Variants in PALLD observed in about 807,000 individuals in gnomAD.
The protein encoded by PALLD is palladin.
Under a neutral mutation model 123.5 loss-of-function variants are expected in PALLD, and 61 were observed. The ratio of observed to expected loss-of-function variants is 0.49; its 90% CI spans 0.40 to 0.61. PALLD has a LOEUF of 0.61. Ranked by LOEUF, PALLD falls within the 20% of genes least tolerant of loss-of-function variation. PALLD has a pLI of 0.00. For missense variants in PALLD, 1,273 were observed against 1,377.0 expected (o/e 0.92, Z 1.20); for synonymous variants, 465 against 496.4 (o/e 0.94, Z 0.84).
chr4:168,748,673 G>A (rs1452648688), intron 10 of PALLD, among the ~76,000 whole-genome samples: 1 of 151,924 alleles, frequency 6.6e-6, no homozygotes, highest in Non-Finnish European at 1.5e-5. Context: ...AGGCTCAACT[G>A]GGGAAGAATG....
At chr4:168,617,706 G>A (rs756048602) in intron 2 of PALLD, among the ~76,000 whole-genome samples, 14 of 152,106 alleles carry the variant, frequency 9.2e-5, no homozygotes, top group Admixed American at 2.0e-4. Flanking sequence ...ATTATAAAAC[G>A]AGGAGACTTA....
At chr4:168,726,631 C>A (rs1021020266) in intron 10 of PALLD, among the ~76,000 whole-genome samples, 5 of 152,158 alleles carry the variant, frequency 3.3e-5, no homozygotes, top group South Asian at 4.1e-4. Flanking sequence ...GATCCTCTAG[C>A]CTTAGCCTTC....
intron 8 of PALLD, among the ~76,000 whole-genome samples, chr4:168,696,652 A>G (rs1291428711): frequency 6.6e-6 from 1 of 152,066 alleles, no homozygotes; most frequent in Non-Finnish European, 1.5e-5. Flanking sequence ...GATCCAAGGA[A>G]ATCATTCCAC....
chr4:168,681,285 A>G (rs753526727), intron 3 of PALLD, 47 bp from the exon 4 acceptor site: 7 of 1,080,300 alleles, frequency 6.5e-6, no homozygotes, highest in South Asian at 1.2e-5. Flanking sequence ...ATTATTATAG[A>G]TAACACTGAT....
At chr4:168,655,536 C>G (rs1778473554) in intron 2 of PALLD, among the ~76,000 whole-genome samples, 1 of 152,202 alleles carries the variant, frequency 6.6e-6, no homozygotes, top group South Asian at 2.1e-4. Context: ...TTGCCCTGAG[C>G]AATTGAACTT....
chr4:168,502,972 G>A (rs1761580691), intron 1 of PALLD, among the ~76,000 whole-genome samples: 2 of 152,168 alleles, frequency 1.3e-5, no homozygotes, highest in African/African-American at 2.4e-5. Context: ...GTTCTGGGAG[G>A]CTGAAAGCAA....
chr4:168,734,184 T>C (rs376977734), intron 10 of PALLD, among the ~76,000 whole-genome samples: 1 of 152,298 alleles, frequency 6.6e-6, no homozygotes, highest in East Asian at 1.9e-4. Context: ...ATTAGTAACA[T>C]CAGTGTTAAC....
intron 2 of PALLD, among the ~76,000 whole-genome samples, chr4:168,660,883 GTTTC>G (rs1163803784): frequency 2.0e-5 from 3 of 151,274 alleles, no homozygotes; most frequent in Admixed American, 6.6e-5. Context: ...AGCAGTACAA[GTTTC>G]TTTCTTCTTC....
At chr4:168,863,558 C>CT (rs1447206127) in intron 10 of PALLD, among the ~76,000 whole-genome samples, 1 of 152,094 alleles carries the variant, frequency 6.6e-6, no homozygotes, top group African/African-American at 2.4e-5. Flanking sequence ...AGGGCCCACT[C>CT]TGTCAGTGTC....
At chr4:168,919,608 G>A (rs1442771201) in intron 17 of PALLD, among the ~76,000 whole-genome samples, 1 of 151,804 alleles carries the variant, frequency 6.6e-6, no homozygotes, top group Non-Finnish European at 1.5e-5. Flanking sequence ...GCTTTGAAAG[G>A]GGAAAAAATC....
chr4:168,721,378 T>C (rs1460968165), intron 10 of PALLD, among the ~76,000 whole-genome samples: 1 of 152,192 alleles, frequency 6.6e-6, no homozygotes, highest in East Asian at 1.9e-4. Flanking sequence ...ATGAATTTGA[T>C]GGAAAATATG....
intron 2 of PALLD, among the ~76,000 whole-genome samples, chr4:168,578,363 G>A (rs1259237137): frequency 6.6e-6 from 1 of 152,040 alleles, no homozygotes; most frequent in Non-Finnish European, 1.5e-5. Context: ...TAATCATGGG[G>A]GTGGTTAACC....
At chr4:168,867,184 T>C (rs754540261) in intron 10 of PALLD, among the ~76,000 whole-genome samples, 15 of 152,324 alleles carry the variant, frequency 9.8e-5, no homozygotes, top group South Asian at 4.1e-4. Context: ...CTCGGGTTTT[T>C]GTAAAAATTA....
Position 168,894,672 on chromosome 4 carries a change from A to C in PALLD, c.2194A>C (p.Asn732His). ...TCAGGAGCCAGAAGAGGAAACAGCT[A>C]ATCAGGTACCATGTTGCTCTGGACT... ...NIQEPEEETA[N>H]QDIGSPHASV... Residue 732 changes from asparagine to histidine, a missense_variant, in exon 12 of 22, where the codon AAT becomes CAT. Asn to His is a moderately conservative substitution (Grantham distance 68). This residue lies in a region of PALLD where 944 missense variants were observed against 954.5 expected (regional missense o/e 0.99). Transcript: ENST00000505667. 5 of 1,613,220 alleles carry C rather than the reference A, an allele frequency of 3.1e-6. No individual in the cohort carries two copies. Among genetic ancestry groups the C allele is most frequent in the Non-Finnish European group, 4.2e-6 (5 of 1,179,392 alleles).
intron 10 of PALLD, among the ~76,000 whole-genome samples, chr4:168,748,541 A>G (rs540345553): frequency 8.5e-5 from 13 of 152,312 alleles, no homozygotes; most frequent in African/African-American, 3.1e-4. Context: ...AAAACACCCC[A>G]CATTTAATAA....
chr4:168,877,903 G>A lies in PALLD; in HGVS notation c.1965-13019G>A, dbSNP rs1319139870. 2 of 1,475,636 alleles carry A rather than the reference G, an allele frequency of 1.4e-6. No individual in the cohort carries two copies. The highest frequency in any genetic ancestry group is 8.9e-7 in the Non-Finnish European group (1 of 1,117,888). The allele number at this position is 1,475,636 out of a possible 1,614,324, so 91.4% of individuals were successfully genotyped here. ...CGTCCCCGGAGCCCATGAGCGCGCTGGCCTCCCGCTCCGCCCCCGCCATGC... is the reference window on the plus strand; with the variant it reads ...CGTCCCCGGAGCCCATGAGCGCGCTAGCCTCCCGCTCCGCCCCCGCCATGC... On this transcript the variant is annotated intron_variant, in intron 10 of 21. Coordinates refer to ENST00000505667, the MANE Select transcript of PALLD (RefSeq NM_001166108.2).
At chr4:168,809,043 A>G (rs777408575) in intron 10 of PALLD, among the ~76,000 whole-genome samples, 3 of 152,210 alleles carry the variant, frequency 2.0e-5, no homozygotes, top group Non-Finnish European at 4.4e-5. Flanking sequence ...TGTCATTTTT[A>G]TATACCCTAT....
intron 15 of PALLD, among the ~76,000 whole-genome samples, chr4:168,905,561 G>A (rs185787032): frequency 1.1e-4 from 17 of 152,118 alleles, no homozygotes; most frequent in Non-Finnish European, 1.8e-4. Flanking sequence ...AGATCAGAAT[G>A]AAAACAGATT....
chr4:168,556,519 G>A (rs1035874429), intron 2 of PALLD, among the ~76,000 whole-genome samples: 1 of 152,332 alleles, frequency 6.6e-6, no homozygotes, highest in East Asian at 1.9e-4. Flanking sequence ...TTCCGGAAGT[G>A]AAACTCCTGT....
Sources: gnomAD v4.1 joint callset for allele counts (sites outside exome capture counted in the v4.1 genomes callset) on GRCh38, gnomAD v4.1.1 for gene constraint, gnomAD v4.1.1 regional missense constraint, MANE v1.5 for transcripts, NCBI Gene and HGNC (gene_info 2026-07-23, HGNC 2026-07-21) for gene names.